Variants in GRIP1 observed in about 807,000 individuals in gnomAD.
The protein encoded by GRIP1 is glutamate receptor-interacting protein 1.
In GRIP1, 45 loss-of-function variants were observed where a neutral mutation model predicts 129.9. The observed-to-expected ratio is 0.35, with a 90% CI of 0.27 to 0.44. GRIP1 has a LOEUF of 0.44. Among genes scored for constraint, GRIP1 ranks in the 20% least tolerant of loss-of-function variants. GRIP1 has a pLI of 1.00. For missense variants in GRIP1, 1,196 were observed against 1,396.8 expected, an observed-to-expected ratio of 0.86 and a Z score of 2.29; for synonymous variants, 530 against 520.8, an observed-to-expected ratio of 1.02 and a Z score of -0.24.
At chr12:66,460,035 A>G (rs945167925) in intron 9 of GRIP1, among the ~76,000 whole-genome samples, 1 of 152,154 alleles carries the variant, frequency 6.6e-6, no homozygotes, top group African/African-American at 2.4e-5. Context: ...AATGTTCACA[A>G]TATTCCTTTG....
intron 1 of GRIP1, among the ~76,000 whole-genome samples, chr12:66,641,973 G>T (rs939380540): frequency 6.6e-6 from 1 of 152,182 alleles, no homozygotes; most frequent in Non-Finnish European, 1.5e-5. Flanking sequence ...GTTGTAGACT[G>T]CTTTATTCTT....
chr12:66,464,298 T>G lies in GRIP1; in HGVS notation c.872+977A>C, dbSNP rs184256566. Among the ~76,000 whole-genome samples the G allele has an allele frequency of 2.9e-3, 436 of 152,272 alleles. 3 individuals carry two copies. The highest frequency in any genetic ancestry group is 9.9e-3 in the African/African-American group (411 of 41,552). Reference sequence around the variant, plus strand: ...TAAAATAATTAATTAGATGGAAAGGTAGTCTTTTTTTATCTTCCCCTTTTA... The same window carrying G: ...TAAAATAATTAATTAGATGGAAAGGGAGTCTTTTTTTATCTTCCCCTTTTA... On this transcript the variant is annotated intron_variant, in intron 8 of 24. Transcript: ENST00000359742.
chr12:66,898,939 G>A (rs974462542), intron 1 of GRIP1, among the ~76,000 whole-genome samples: 1 of 152,146 alleles, frequency 6.6e-6, no homozygotes, highest in African/African-American at 2.4e-5. Flanking sequence ...CCTGGCAGTA[G>A]CAAGAAGAAA....
chr12:66,915,531 T>A (rs1420043524), intron 1 of GRIP1, among the ~76,000 whole-genome samples: 1 of 152,162 alleles, frequency 6.6e-6, no homozygotes, highest in Non-Finnish European at 1.5e-5. Flanking sequence ...TCAGCAGGCA[T>A]CAGACGTGGG....
At chr12:66,415,866 C>G (rs572001179) in intron 15 of GRIP1, among the ~76,000 whole-genome samples, 5 of 152,032 alleles carry the variant, frequency 3.3e-5, no homozygotes, top group African/African-American at 1.2e-4. Flanking sequence ...GGGAGCTGAA[C>G]GATGAGGACA....
At chr12:66,979,319 T>C (rs772644530) in intron 1 of GRIP1, among the ~76,000 whole-genome samples, 10 of 146,412 alleles carry the variant, frequency 6.8e-5, no homozygotes, top group Non-Finnish European at 1.0e-4. Flanking sequence ...TCCTCTTATA[T>C]GAATTCACAC....
chr12:66,723,170 T>C (rs2036112038), intron 1 of GRIP1, among the ~76,000 whole-genome samples: 1 of 150,374 alleles, frequency 6.7e-6, no homozygotes. Context: ...TTTATACACA[T>C]GGGAATCTTC....
chr12:66,484,070 G>A (rs2059886377), intron 7 of GRIP1, among the ~76,000 whole-genome samples: 1 of 151,684 alleles, frequency 6.6e-6, no homozygotes, highest in Admixed American at 6.6e-5. Flanking sequence ...CGTTTTAGCC[G>A]GGATGGTCTC....
At chr12:66,497,188 T>C (rs2060261013) in intron 7 of GRIP1, among the ~76,000 whole-genome samples, 1 of 152,218 alleles carries the variant, frequency 6.6e-6, no homozygotes, top group Non-Finnish European at 1.5e-5. Context: ...ACTTATTGTC[T>C]AATGAAAGAG....
chr12:66,463,384 C>T (rs546782139), intron 8 of GRIP1, among the ~76,000 whole-genome samples: 10 of 151,932 alleles, frequency 6.6e-5, no homozygotes, highest in Non-Finnish European at 1.2e-4. Context: ...TGAGGGAAAG[C>T]GAGCAAGAGG....
chr12:66,712,030 G>A (rs2035729052), intron 1 of GRIP1, among the ~76,000 whole-genome samples: 1 of 151,930 alleles, frequency 6.6e-6, no homozygotes, highest in South Asian at 2.1e-4. Context: ...TACTTTTTAT[G>A]TAGTGACAAG....
At chr12:66,676,161 T>C (rs548856550) in intron 1 of GRIP1, among the ~76,000 whole-genome samples, 15 of 152,322 alleles carry the variant, frequency 9.8e-5, no homozygotes, top group African/African-American at 3.6e-4. Flanking sequence ...CTATAAATTG[T>C]CCCAGCCCAG....
chr12:66,446,533 C>G (rs561132526), intron 11 of GRIP1, among the ~76,000 whole-genome samples: 1 of 152,188 alleles, frequency 6.6e-6, no homozygotes, highest in East Asian at 1.9e-4. Flanking sequence ...TCTCCACATA[C>G]GGTACATTGA....
At chr12:66,497,558 G>A (rs1473441275) in intron 7 of GRIP1, among the ~76,000 whole-genome samples, 1 of 152,162 alleles carries the variant, frequency 6.6e-6, no homozygotes, top group Non-Finnish European at 1.5e-5. Context: ...TGGCAATTCT[G>A]GGTAAAGGGC....
intron 1 of GRIP1, among the ~76,000 whole-genome samples, chr12:66,736,019 A>T (rs1262059468): frequency 6.6e-6 from 1 of 152,114 alleles, no homozygotes; most frequent in Non-Finnish European, 1.5e-5. Flanking sequence ...AGGTGAACAT[A>T]AACAGTTCAC....
chr12:67,055,712 A>G (rs530553626), intron 1 of GRIP1, among the ~76,000 whole-genome samples: 1 of 152,366 alleles, frequency 6.6e-6, no homozygotes, highest in South Asian at 2.1e-4. Flanking sequence ...ATAACAGAAT[A>G]AAAGTCCAAA....
intron 5 of GRIP1, among the ~76,000 whole-genome samples, chr12:66,522,991 A>G (rs2061076158): frequency 6.6e-6 from 1 of 152,196 alleles, no homozygotes; most frequent in Non-Finnish European, 1.5e-5. Context: ...AAAGAATAAA[A>G]AGAAACAAAC....
intron 1 of GRIP1, among the ~76,000 whole-genome samples, chr12:66,729,362 T>C (rs1166859792): frequency 6.6e-6 from 1 of 152,190 alleles, no homozygotes; most frequent in African/African-American, 2.4e-5. Context: ...TTATTTGTAA[T>C]GAAAATATAA....
upstream of GRIP1, among the ~76,000 whole-genome samples, chr12:66,682,317 G>A (rs192013213): frequency 5.9e-4 from 90 of 152,266 alleles, no homozygotes; most frequent in Admixed American, 1.0e-3. Context: ...GGCAAGTACC[G>A]TCTGGTGAAA....
Sources: gnomAD v4.1 joint callset for allele counts (sites outside exome capture counted in the v4.1 genomes callset) on GRCh38, gnomAD v4.1.1 for gene constraint, MANE v1.5 for transcripts, NCBI Gene and HGNC (gene_info 2026-07-23, HGNC 2026-07-21) for gene names.